ST6GAL1: variants seen among roughly 807,000 people sequenced by gnomAD.
ST6GAL1 encodes ST6 beta-galactoside alpha-2,6-sialyltransferase 1, also known as beta-galactoside alpha-2,6-sialyltransferase 1.
A neutral mutation model predicts 38.0 loss-of-function variants in ST6GAL1; 20 were observed. That is an observed-to-expected ratio of 0.53 (90% confidence interval 0.37 to 0.77). The LOEUF (loss-of-function observed/expected upper bound fraction) is 0.77, where lower values mean the gene tolerates loss of function less well. Ranked by LOEUF, ST6GAL1 falls within the 30% of genes least tolerant of loss-of-function variation. The pLI is 0.00. For missense variants in ST6GAL1, 432 were observed against 496.4 expected (o/e 0.87, Z 1.23); for synonymous variants, 196 against 188.2 (o/e 1.04, Z -0.34).
At chr3:187,008,833 G>A (rs375558375) in intron 2 of ST6GAL1, among the ~76,000 whole-genome samples, 9 of 151,824 alleles carry the variant, frequency 5.9e-5, no homozygotes, top group African/African-American at 1.9e-4. Context: ...GTGAATATGC[G>A]TTTCTCTTTT....
chr3:187,072,849 T>G lies in ST6GAL1; in HGVS notation c.706T>G (p.Leu236Val). 1 of 1,613,502 alleles carries G rather than the reference T, an allele frequency of 6.2e-7. No individual in the cohort carries two copies. The highest frequency in any genetic ancestry group is 8.5e-7 in the Non-Finnish European group (1 of 1,179,448). The change falls in exon 6 of 8, where the codon TTG becomes GTG. Residue 236 changes from leucine to valine, a missense_variant and splice_region_variant. Coordinates refer to ENST00000169298, the MANE Select transcript of ST6GAL1 (RefSeq NM_173216.2). ...ACAGCTTATCTCTTTCTTCCTGCAGTTGGTTACCACAGAGAAGCGCTTCCT... is the reference window on the plus strand; with the variant it reads ...ACAGCTTATCTCTTTCTTCCTGCAGGTGGTTACCACAGAGAAGCGCTTCCT... ...KTTIRLMNSQ[L>V]VTTEKRFLKD...
At chr3:186,988,698 G>A (rs1019332560) in intron 2 of ST6GAL1, among the ~76,000 whole-genome samples, 5 of 152,090 alleles carry the variant, frequency 3.3e-5, no homozygotes, top group African/African-American at 9.7e-5. Flanking sequence ...GGAATCACTT[G>A]AGGTCAGAAG....
chr3:187,010,958 T>G (rs1046377453), intron 2 of ST6GAL1, among the ~76,000 whole-genome samples: 1 of 152,210 alleles, frequency 6.6e-6, no homozygotes, highest in Admixed American at 6.5e-5. Flanking sequence ...ATCTAGCCCC[T>G]TCTTCGGGGC....
intron 5 of ST6GAL1, among the ~76,000 whole-genome samples, chr3:187,066,815 GC>G (rs1210260615): frequency 2.6e-5 from 4 of 151,980 alleles, no homozygotes; most frequent in East Asian, 1.9e-4. Flanking sequence ...CTCCTCCCCT[GC>G]CCCCTAAGAG....
intron 2 of ST6GAL1, among the ~76,000 whole-genome samples, chr3:186,970,755 C>G (rs1383563404): frequency 1.3e-5 from 2 of 151,960 alleles, no homozygotes; most frequent in Non-Finnish European, 2.9e-5. Context: ...TGTTAAATTA[C>G]CGAATAGTAT....
chr3:186,941,479 C>A (rs1039661850), intron 1 of ST6GAL1, among the ~76,000 whole-genome samples: 3 of 152,114 alleles, frequency 2.0e-5, no homozygotes, highest in Non-Finnish European at 2.9e-5. Flanking sequence ...GAAACTAGGA[C>A]TTTCTAGTCT....
At chr3:186,960,969 CTT>C (rs531371070) in intron 1 of ST6GAL1, among the ~76,000 whole-genome samples, 71 of 124,664 alleles carry the variant, frequency 5.7e-4, no homozygotes, top group African/African-American at 1.1e-3. Flanking sequence ...ATCATTTGAT[CTT>C]TTTTTTTTTT....
intron 2 of ST6GAL1, among the ~76,000 whole-genome samples, chr3:186,973,956 G>C (rs143842081): frequency 2.6e-5 from 4 of 152,216 alleles, no homozygotes; most frequent in African/African-American, 9.6e-5. Context: ...TAAAGAGAGA[G>C]AGACAAATGC....
intron 2 of ST6GAL1, among the ~76,000 whole-genome samples, chr3:186,989,314 A>G (rs1716069759): frequency 6.6e-6 from 1 of 152,248 alleles, no homozygotes; most frequent in African/African-American, 2.4e-5. Flanking sequence ...TGTTAGAACC[A>G]GGAAATGGAT....
At chr3:186,982,190 C>T (rs1715717499) in intron 2 of ST6GAL1, among the ~76,000 whole-genome samples, 1 of 152,152 alleles carries the variant, frequency 6.6e-6, no homozygotes, top group Non-Finnish European at 1.5e-5. Flanking sequence ...GAAGTCCTTC[C>T]TTTTTTGGTG....
intron 4 of ST6GAL1, 57 bp downstream of exon 4, chr3:187,043,367 T>C (rs571288089): frequency 1.3e-6 from 2 of 1,566,030 alleles, no homozygotes; most frequent in African/African-American, 1.4e-5. Context: ...GCTGGGCATA[T>C]TGATGGTATG....
intron 2 of ST6GAL1, among the ~76,000 whole-genome samples, chr3:187,000,056 G>T (rs1367463222): frequency 6.6e-6 from 1 of 150,534 alleles, no homozygotes; most frequent in Admixed American, 6.6e-5. Context: ...TGAACCTCTG[G>T]CCTCCAGCAT....
chr3:187,074,000 A>G (rs1579388679), intron 6 of ST6GAL1, 159 bp from the exon 7 acceptor site: 1 of 594,934 alleles, frequency 1.7e-6, no homozygotes, highest in Middle Eastern at 3.5e-4. Flanking sequence ...CTGCGGCTGG[A>G]AGAGAAACCT....
At chr3:186,969,021 TC>T (rs1050513619) in intron 2 of ST6GAL1, among the ~76,000 whole-genome samples, 18 of 151,432 alleles carry the variant, frequency 1.2e-4, no homozygotes, top group African/African-American at 3.9e-4. Context: ...TCTATCTTTT[TC>T]TTTTTCTTTT....
chr3:186,987,788 G>A (rs966417537), intron 2 of ST6GAL1, among the ~76,000 whole-genome samples: 1 of 152,184 alleles, frequency 6.6e-6, no homozygotes, highest in African/African-American at 2.4e-5. Flanking sequence ...TACTCAACAA[G>A]TGATAACTAT....
Position 186,951,448 on chromosome 3 carries a change from C to T in ST6GAL1, c.-324-12337C>T, listed in dbSNP as rs113509624. 1.5e-4 allele frequency among the ~76,000 whole-genome samples: 23 copies of T among 152,284 alleles called. 1 individual carries two copies. Among genetic ancestry groups the T allele is most frequent in the African/African-American group, 5.1e-4 (21 of 41,550 alleles). ...TCCATTGGTTCTCAACCCTGGCTGT[C>T]ATTAGTGTTACTGGTGGGAATTATA... On this transcript the variant is annotated intron_variant, in intron 1 of 7. Transcript: ENST00000169298.
chr3:187,045,911 T>C (rs945830911), intron 4 of ST6GAL1, among the ~76,000 whole-genome samples: 1 of 152,154 alleles, frequency 6.6e-6, no homozygotes, highest in African/African-American at 2.4e-5. Context: ...TTGGACGGCA[T>C]GTGGGTCCTT....
intron 1 of ST6GAL1, among the ~76,000 whole-genome samples, chr3:186,944,911 T>C (rs1714303622): frequency 1.3e-5 from 2 of 152,216 alleles, no homozygotes; most frequent in Non-Finnish European, 2.9e-5. Context: ...GCCATATGCC[T>C]TCTTAAAACT....
chr3:187,066,389 T>C (rs1488174669), intron 5 of ST6GAL1, among the ~76,000 whole-genome samples: 3 of 152,066 alleles, frequency 2.0e-5, no homozygotes, highest in Admixed American at 1.3e-4. Flanking sequence ...CTGGCCCCAT[T>C]GGATTAGGGC....
Sources: allele counts gnomAD v4.1 joint callset (sites outside exome capture counted in the v4.1 genomes callset), GRCh38; gene constraint gnomAD v4.1.1; transcripts MANE v1.5; gene names NCBI Gene and HGNC (gene_info 2026-07-23, HGNC 2026-07-21).